WDR49: variants seen among roughly 807,000 people sequenced by gnomAD.
WDR49 encodes the protein WD repeat domain 49, also known as cilia- and flagella-associated protein 337.
A neutral mutation model predicts 119.5 loss-of-function variants in WDR49; 107 were observed. That is an observed-to-expected ratio of 0.90 (90% CI 0.77 to 1.05). The LOEUF (loss-of-function observed/expected upper bound fraction) is 1.05. Among genes scored for constraint, WDR49 ranks in the 50% least tolerant of loss-of-function variants. WDR49 has a pLI of 0.00. For synonymous variants in WDR49, 425 were observed against 418.8 expected (o/e 1.01, Z -0.18); for missense variants, 1,240 against 1,220.5 (o/e 1.02, Z -0.24).
At chr3:167,585,248 C>T (rs1378904125) in intron 7 of WDR49, among the ~76,000 whole-genome samples, 1 of 152,096 alleles carries the variant, frequency 6.6e-6, no homozygotes, top group South Asian at 2.1e-4. Context: ...CAGACACTTT[C>T]ATATACCCCT....
intron 12 of WDR49, 30 bp downstream of exon 12, chr3:167,532,849 A>G (rs1409974288): frequency 6.5e-7 from 1 of 1,545,546 alleles, no homozygotes; most frequent in Non-Finnish European, 8.9e-7. Flanking sequence ...TTGACTAGCC[A>G]TGTTATTTTC....
chr3:167,525,704 A>G (rs1218101202), intron 15 of WDR49, among the ~76,000 whole-genome samples: 1 of 152,124 alleles, frequency 6.6e-6, no homozygotes, highest in East Asian at 1.9e-4. Flanking sequence ...TGCATTTATG[A>G]ATAAATCCTC....
At chr3:167,599,378 A>C (rs921442060) in intron 7 of WDR49, among the ~76,000 whole-genome samples, 11 of 152,150 alleles carry the variant, frequency 7.2e-5, no homozygotes, top group African/African-American at 2.7e-4. Context: ...CCACTGTCCC[A>C]TGGGGAGAAC....
intron 8 of WDR49, among the ~76,000 whole-genome samples, chr3:167,564,340 T>C (rs1577243064): frequency 6.6e-6 from 1 of 152,136 alleles, no homozygotes; most frequent in Non-Finnish European, 1.5e-5. Flanking sequence ...TATGACAATA[T>C]TGGAATACAA....
chr3:167,514,628 GACACACACACACAC>G lies in WDR49; in HGVS notation c.2774+7673_2774+7686del, dbSNP rs59265631. Among the ~76,000 whole-genome samples, 941 of 140,998 alleles carry G rather than the reference GACACACACACACAC, an allele frequency of 6.7e-3. 14 individuals are homozygous for G. Among genetic ancestry groups the G allele is most frequent in the African/African-American group, 0.023 (878 of 38,182 alleles). 92.5% of individuals were successfully genotyped at this position (140,998 alleles called of 152,430 possible). A position where few individuals can be genotyped will look rare whatever the true frequency, so the allele number is the denominator to read the frequency against. The stretch of plus-strand genomic sequence containing the variant: ...TCAGAGCAGAACTGAAGGAGATGCA[GACACACACACACAC>G]ACACACACACACACACACACACACA... On this transcript the variant is annotated intron_variant, in intron 16 of 18. Transcript: ENST00000682715.
rs756441105 is a variant in WDR49 at position 167,505,427 on chromosome 3, A to G, written c.2775-11T>C. On this transcript the variant is annotated splice_polypyrimidine_tract_variant and intron_variant, in intron 16 of 18. Coordinates refer to ENST00000682715, the MANE Select transcript of WDR49 (RefSeq NM_001366157.1). ...TCTGATGGTCTGACACTGGAAGAAAATATTTCATGATGAAATACATTATTA... is the reference window on the plus strand; with the variant it reads ...TCTGATGGTCTGACACTGGAAGAAAGTATTTCATGATGAAATACATTATTA... 21 of 1,514,810 alleles carry G rather than the reference A, an allele frequency of 1.4e-5. No homozygotes were observed. The Admixed American group carries it at 5.1e-4, about 37-fold the overall frequency. The allele number at this position is 1,514,810 out of a possible 1,614,324, so 93.8% of individuals were successfully genotyped here.
rs1234961390 is a variant in WDR49 at position 167,537,011 on chromosome 3, G to T, written c.1824-11C>A. 1.0e-5 allele frequency: 16 copies of T among 1,565,960 alleles called. No individual in the cohort carries two copies. In the East Asian group the frequency reaches 3.8e-4, roughly 37 times the overall value. ...AACACAGTAATAGCCCTAGCAAAAA[G>T]GATATAGAATTTAGCTGTGGATCTA... is the stretch of plus-strand genomic sequence containing the variant. On this transcript the variant is annotated splice_polypyrimidine_tract_variant and intron_variant, in intron 10 of 18. Coordinates refer to ENST00000682715, the MANE Select transcript of WDR49 (RefSeq NM_001366157.1).
chr3:167,530,213 T>C (rs1752797104), intron 13 of WDR49, among the ~76,000 whole-genome samples: 1 of 152,104 alleles, frequency 6.6e-6, no homozygotes, highest in East Asian at 1.9e-4. Flanking sequence ...ATGAAAATTA[T>C]ACAGATTTTC....
chr3:167,639,670 G>A (rs368215094), intron 2 of WDR49, among the ~76,000 whole-genome samples: 103 of 151,842 alleles, frequency 6.8e-4, no homozygotes, highest in Non-Finnish European at 1.4e-3. Context: ...AACATAAAAA[G>A]TCAGAAAGAC....
rs750945045 is a variant in WDR49 at position 167,527,866 on chromosome 3, A to C, written c.2558T>G (p.Ile853Ser). ...LIISSSADCS[I>S]CVTGVCNAPV... ...AGCATTGCAGACACCAGTCACACAA[A>C]TACTGCAGTCTGCAGAGGAGGAGAT... The change falls in exon 15 of 19, where the codon ATT (isoleucine) becomes AGT (serine). Residue 853 changes from isoleucine to serine, a missense_variant. By Grantham distance (142) the Ile-to-Ser change is moderately radical. Transcript: ENST00000682715. 4 of 1,613,146 alleles carry C rather than the reference A, an allele frequency of 2.5e-6. No individual in the cohort carries two copies. In the Admixed American group the frequency reaches 6.7e-5, roughly 27 times the overall value.
intron 18 of WDR49, among the ~76,000 whole-genome samples, chr3:167,484,932 T>G (rs1750865685): frequency 1.3e-5 from 2 of 152,164 alleles, no homozygotes; most frequent in Middle Eastern, 6.8e-3. Context: ...AGCAAAGACT[T>G]GGAACCAACC....
intron 7 of WDR49, among the ~76,000 whole-genome samples, chr3:167,576,851 G>A (rs1037177573): frequency 5.9e-5 from 9 of 151,816 alleles, no homozygotes; most frequent in Non-Finnish European, 1.0e-4. Context: ...TTCTCTCTCC[G>A]TCTGTCTATA....
At chr3:167,481,442 T>C (rs1320251978) in intron 18 of WDR49, among the ~76,000 whole-genome samples, 2 of 151,770 alleles carry the variant, frequency 1.3e-5, no homozygotes, top group Non-Finnish European at 2.9e-5. Flanking sequence ...TCCTGGAACA[T>C]AGTAGGAAAC....
At chr3:167,599,501 A>G (rs888411529) in intron 7 of WDR49, among the ~76,000 whole-genome samples, 6 of 152,216 alleles carry the variant, frequency 3.9e-5, no homozygotes, top group African/African-American at 1.2e-4. Flanking sequence ...CCTATGGCTC[A>G]GGGCATGTCA....
chr3:167,585,154 A>G (rs986725983), intron 7 of WDR49, among the ~76,000 whole-genome samples: 1 of 152,164 alleles, frequency 6.6e-6, no homozygotes, highest in Non-Finnish European at 1.5e-5. Flanking sequence ...AAATATTTGC[A>G]AAAGAAATTC....
intron 18 of WDR49, among the ~76,000 whole-genome samples, chr3:167,492,065 A>G (rs1165480732): frequency 6.6e-6 from 1 of 152,130 alleles, no homozygotes; most frequent in Non-Finnish European, 1.5e-5. Context: ...AGATTGCAGC[A>G]AAGTGGAAAA....
rs1431174649 is a variant in WDR49, at chr3:167,576,536, A to G, written c.1276-385T>C. Among the ~76,000 whole-genome samples, 5 of 152,148 alleles carry G rather than the reference A, an allele frequency of 3.3e-5. No homozygotes were observed. The East Asian group carries it at 9.6e-4, about 29-fold the overall frequency. On this transcript the variant is annotated intron_variant, in intron 7 of 18. Transcript: ENST00000682715. ...ATATGACTAAATTAGGGACTTTGAG[A>G]TGGTGAGATTGTCCTGGATTATTTG...
intron 10 of WDR49, among the ~76,000 whole-genome samples, chr3:167,542,195 T>G (rs1711886201): frequency 6.6e-6 from 1 of 152,110 alleles, no homozygotes; most frequent in Non-Finnish European, 1.5e-5. Context: ...ACTGGGGGAC[T>G]TCAGTACTGC....
chr3:167,598,114 G>A (rs150178132), intron 7 of WDR49, among the ~76,000 whole-genome samples: 3,435 of 152,138 alleles, frequency 0.023, 126 homozygotes, highest in African/African-American at 0.079. Flanking sequence ...AGACCATCTT[G>A]GCTAACATGG....
Sources: gnomAD v4.1 joint callset for allele counts (sites outside exome capture counted in the v4.1 genomes callset) on GRCh38, gnomAD v4.1.1 for gene constraint, MANE v1.5 for transcripts, NCBI Gene and HGNC (gene_info 2026-07-23, HGNC 2026-07-21) for gene names.